The following IGHMBP2 variants were observed in gnomAD, a reference collection of about 807,000 sequenced individuals.
The protein encoded by IGHMBP2 is immunoglobulin mu DNA binding protein 2.
Under a neutral mutation model 96.0 loss-of-function variants are expected in IGHMBP2, and 81 were observed. The ratio of observed to expected loss-of-function variants is 0.84; its 90% confidence interval spans 0.71 to 1.01. The LOEUF (loss-of-function observed/expected upper bound fraction) is 1.01, where lower values mean the gene tolerates loss of function less well. Ranked by LOEUF, IGHMBP2 falls within the 50% of genes least tolerant of loss-of-function variation. The pLI, the probability that IGHMBP2 is intolerant of heterozygous loss-of-function variation, is 0.00. For missense variants in IGHMBP2, 1,227 were observed against 1,306.3 expected (o/e 0.94, Z 0.94); for synonymous variants, 557 against 548.9 (o/e 1.01, Z -0.21).
In IGHMBP2 at chr11:68,939,717, G is replaced by A. The variant is rs1859680479; in HGVS notation, c.2968G>A (p.Glu990Lys). The A allele has an allele frequency of 6.2e-7, 1 of 1,610,722 alleles. No homozygotes were observed. ...LSNQRTSRRK[E>K]RGT ...CAACCAGAGGACCAGCCGGAGGAAG[G>A]AGAGGGGGACGTGACCGGCCGCATC... Residue 990 changes from glutamate to lysine, a missense_variant, in exon 15 of 15, where the codon GAG (glutamate) becomes AAG (lysine). Physicochemically the swap from Glu to Lys is moderately conservative, Grantham distance 56 (BLOSUM62 1). Coordinates refer to ENST00000255078, the MANE Select transcript of IGHMBP2 (RefSeq NM_002180.3).
intron 4 of IGHMBP2, among the ~76,000 whole-genome samples, chr11:68,909,872 T>G (rs1858363831): frequency 6.6e-6 from 1 of 152,258 alleles, no homozygotes; most frequent in South Asian, 2.1e-4. Context: ...CCTCAGGTGA[T>G]CTACCTGCCT....
rs1594418098 is a variant in IGHMBP2, at chr11:68,908,329, A to C, written c.441A>C (p.Arg147=). Residue 147 remains arginine, a synonymous_variant, in exon 3 of 15, where the codon CGA becomes CGC. Transcript: ENST00000255078. ...TTGCCAATGATGTCACTTACAGGCGACTGAAAAAGTAAGTGGATGGGACTG... is the reference window on the plus strand; with the variant it reads ...TTGCCAATGATGTCACTTACAGGCGCCTGAAAAAGTAAGTGGATGGGACTG... The part of the protein sequence containing the change: ...LKLANDVTYR[R]LKKALIALKK... 1 of 1,613,888 alleles carries C rather than the reference A, an allele frequency of 6.2e-7. No homozygotes were observed. The highest frequency in any genetic ancestry group is 1.7e-5 in the Admixed American group (1 of 60,016).
At chr11:68,933,125 T>G (rs1859378737) in intron 8 of IGHMBP2, 174 bp from the exon 9 acceptor site, 2 of 647,852 alleles carry the variant, frequency 3.1e-6, no homozygotes, top group Non-Finnish European at 5.5e-6. Context: ...CGATTGGATG[T>G]AGGTGCCTTT....
intron 8 of IGHMBP2, among the ~76,000 whole-genome samples, chr11:68,932,068 C>T (rs1048927664): frequency 2.2e-5 from 2 of 89,060 alleles, no homozygotes; most frequent in African/African-American, 9.2e-5. Context: ...AGGATGGTTT[C>T]GGGGAAAACA....
Position 68,936,754 on chromosome 11 carries a change from C to G in IGHMBP2, c.2274C>G (p.Val758=). Residue 758 remains valine, a synonymous_variant, in exon 13 of 15, where the codon GTC becomes GTG. Coordinates refer to ENST00000255078, the MANE Select transcript of IGHMBP2 (RefSeq NM_002180.3). ...TCAATTCCCACGACAGGCTGCGGGT[C>G]CACCAAATAGCCGAGGAGCACGGGC... is the stretch of plus-strand genomic sequence containing the variant. ...PSLNSHDRLR[V]HQIAEEHGLR... 4 of 1,614,076 alleles carry G rather than the reference C, an allele frequency of 2.5e-6. No individual in the cohort carries two copies. Among genetic ancestry groups the G allele is most frequent in the Non-Finnish European group, 3.4e-6 (4 of 1,180,040 alleles).
intron 6 of IGHMBP2, among the ~76,000 whole-genome samples, chr11:68,916,150 G>A (rs1402580597): frequency 6.6e-6 from 1 of 151,980 alleles, no homozygotes; most frequent in African/African-American, 2.4e-5. Context: ...CTCCAGCCTC[G>A]GTGACAAAGC....
Position 68,903,936 on chromosome 11 carries a change from C to T in IGHMBP2, c.-17C>T, listed in dbSNP as rs750335391. 1.9e-6 allele frequency: 3 copies of T among 1,587,880 alleles called. No individual in the cohort carries two copies. Among genetic ancestry groups the T allele is most frequent in the South Asian group, 1.1e-5 (1 of 88,694 alleles). ...AAGCGGGACGTCGGCTTCTAGGGGCCCAGGCCGGCGGCGGCGATGGCCTCG... is the reference window on the plus strand; with the variant it reads ...AAGCGGGACGTCGGCTTCTAGGGGCTCAGGCCGGCGGCGGCGATGGCCTCG... On this transcript the variant is annotated 5_prime_UTR_variant, in exon 1 of 15. Coordinates refer to ENST00000255078, the MANE Select transcript of IGHMBP2 (RefSeq NM_002180.3).
chr11:68,931,765 T>G (rs1038735762), intron 8 of IGHMBP2, among the ~76,000 whole-genome samples: 2 of 151,988 alleles, frequency 1.3e-5, no homozygotes, highest in African/African-American at 2.4e-5. Context: ...CAGGGAGAGG[T>G]TCTCGAGATG....
At chr11:68,931,854 G>T (rs1859316154) in intron 8 of IGHMBP2, among the ~76,000 whole-genome samples, 1 of 152,196 alleles carries the variant, frequency 6.6e-6, no homozygotes, top group Admixed American at 6.5e-5. Context: ...CAGGGACCCT[G>T]TTGTGTAGGA....
chr11:68,925,623 G>A (rs1859037579), intron 7 of IGHMBP2, among the ~76,000 whole-genome samples: 1 of 152,118 alleles, frequency 6.6e-6, no homozygotes, highest in African/African-American at 2.4e-5. Context: ...ACTCCCTTTG[G>A]TATTTCTTGA....
Position 68,937,098 on chromosome 11 carries a change from C to A in IGHMBP2, c.2611+7C>A. The A allele has an allele frequency of 6.3e-7, 1 of 1,596,386 alleles. No homozygotes were observed. Among genetic ancestry groups the A allele is most frequent in the Non-Finnish European group, 8.5e-7 (1 of 1,179,788 alleles). On this transcript the variant is annotated splice_region_variant and intron_variant, in intron 13 of 14. Coordinates refer to ENST00000255078, the MANE Select transcript of IGHMBP2 (RefSeq NM_002180.3). Reference sequence around the variant, plus strand: ...AAAAAGAAAAAAGCCAAAGGTAAGTCAACTAATAAGAACTTGGGGCAGTGT... The same window carrying A: ...AAAAAGAAAAAAGCCAAAGGTAAGTAAACTAATAAGAACTTGGGGCAGTGT...
At position 68,936,866 on chromosome 11, in the gene IGHMBP2, C is replaced by G. The variant is rs1438075631; in HGVS notation, c.2386C>G (p.Pro796Ala). The change falls in exon 13 of 15, where the codon CCA becomes GCA. Residue 796 changes from proline (P) to alanine (A), a missense_variant. Transcript: ENST00000255078. ...GCGACCCCGAGCAGCCCTGGGACCC[C>G]CAGCAGGGACCGGTGGCCCAGCCCC... ...APRPRAALGP[P>A]AGTGGPAPLQ... 2 of 1,612,314 alleles carry G rather than the reference C, an allele frequency of 1.2e-6. No individual in the cohort carries two copies. Among genetic ancestry groups the G allele is most frequent in the Non-Finnish European group, 1.7e-6 (2 of 1,179,674 alleles).
intron 7 of IGHMBP2, among the ~76,000 whole-genome samples, chr11:68,925,312 A>AT (rs1415104474): frequency 2.6e-5 from 4 of 151,584 alleles, no homozygotes; most frequent in Admixed American, 2.0e-4. Context: ...GGCCCAGCTA[A>AT]TTTTTTTTGT....
intron 7 of IGHMBP2, among the ~76,000 whole-genome samples, chr11:68,918,777 A>G (rs1858768434): frequency 1.3e-5 from 2 of 151,970 alleles, no homozygotes; most frequent in South Asian, 2.1e-4. Context: ...AAGTGCTAGG[A>G]TTACAGGTGG....
At chr11:68,934,358 G>A in intron 10 of IGHMBP2, 106 bp from the exon 11 acceptor site, 1 of 799,674 alleles carries the variant, frequency 1.3e-6, no homozygotes, top group Non-Finnish European at 2.1e-6. Context: ...CTGAGTGGAG[G>A]ATCAGCTGGC....
chr11:68,926,939 T>C (rs961707263), intron 7 of IGHMBP2, among the ~76,000 whole-genome samples: 2 of 152,136 alleles, frequency 1.3e-5, no homozygotes, highest in African/African-American at 4.8e-5. Context: ...CTGATTTTTG[T>C]ATTTTTAGTA....
chr11:68,933,749 C>T (rs1430426391), intron 9 of IGHMBP2, 46 bp from the exon 10 acceptor site: 1 of 1,465,878 alleles, frequency 6.8e-7, no homozygotes, highest in Non-Finnish European at 9.5e-7. Flanking sequence ...GGCCTCAGTG[C>T]TGCACTGTGG....
At chr11:68,929,117 T>C (rs1859174129) in intron 7 of IGHMBP2, 66 bp from the exon 8 acceptor site, 2 of 1,433,386 alleles carry the variant, frequency 1.4e-6, no homozygotes, top group African/African-American at 1.4e-5. Context: ...GTGTCTCCTC[T>C]GGTGTGGCTG....
At chr11:68,937,252 G>A (rs948789464) in intron 13 of IGHMBP2, among the ~76,000 whole-genome samples, 161 bp downstream of exon 13, 4 of 152,178 alleles carry the variant, frequency 2.6e-5, no homozygotes, top group African/African-American at 9.7e-5. Context: ...TCCCAGCTCC[G>A]TCTGGGCTCC....
Sources: allele counts gnomAD v4.1 joint callset (sites outside exome capture counted in the v4.1 genomes callset), GRCh38; gene constraint gnomAD v4.1.1; transcripts MANE v1.5; gene names NCBI Gene and HGNC (gene_info 2026-07-23, HGNC 2026-07-21).